Variants in NCAPG2 observed in about 807,000 individuals in gnomAD.
The protein encoded by NCAPG2 is condensin-2 complex subunit G2.
NCAPG2 carries 53 observed loss-of-function variants against 141.1 expected under a neutral mutation model. That is an observed-to-expected ratio of 0.38 (90% CI 0.30 to 0.47). The LOEUF (loss-of-function observed/expected upper bound fraction) is 0.47, where lower values mean the gene tolerates loss of function less well. NCAPG2 is among the 20% of genes least tolerant of loss of function. The pLI is 0.99. For missense variants in NCAPG2, 1,087 were observed against 1,389.0 expected (o/e 0.78, Z 3.46); for synonymous variants, 499 against 490.7 (o/e 1.02, Z -0.22).
At chr7:158,699,744 A>T (rs187800305) in intron 2 of NCAPG2, among the ~76,000 whole-genome samples, 1 of 152,242 alleles carries the variant, frequency 6.6e-6, no homozygotes, top group East Asian at 1.9e-4. Context: ...CCTACTCCCA[A>T]CTATAGAATG....
intron 12 of NCAPG2, among the ~76,000 whole-genome samples, chr7:158,672,891 C>A (rs1012525094): frequency 6.6e-6 from 1 of 152,222 alleles, no homozygotes; most frequent in Non-Finnish European, 1.5e-5. Context: ...CTTCTCTGGT[C>A]TTTCTTCTGT....
At chr7:158,689,608 C>T (rs925427920) in intron 6 of NCAPG2, among the ~76,000 whole-genome samples, 1 of 152,176 alleles carries the variant, frequency 6.6e-6, no homozygotes, top group Non-Finnish European at 1.5e-5. Flanking sequence ...AACACACAGC[C>T]ACCTGTTACC....
At chr7:158,637,372 A>G (rs573251951) in intron 27 of NCAPG2, among the ~76,000 whole-genome samples, 1 of 152,294 alleles carries the variant, frequency 6.6e-6, no homozygotes, top group South Asian at 2.1e-4. Context: ...TTTAGTGCCC[A>G]GTTCAACGTC....
chr7:158,675,330 A>T, intron 12 of NCAPG2, 147 bp downstream of exon 12: 1 of 934,898 alleles, frequency 1.1e-6, no homozygotes, highest in African/African-American at 1.7e-5. Flanking sequence ...TTTGGTTTTT[A>T]AAAACCTTAC....
At chr7:158,658,273 A>G (rs12533939) in intron 17 of NCAPG2, 65 bp downstream of exon 17, 3 of 1,424,880 alleles carry the variant, frequency 2.1e-6, no homozygotes, top group Non-Finnish European at 1.9e-6. Context: ...ACATGAATTA[A>G]TAATTCAGCA....
chr7:158,688,987 T>C (rs1163155519), intron 6 of NCAPG2, among the ~76,000 whole-genome samples: 1 of 152,184 alleles, frequency 6.6e-6, no homozygotes, highest in Non-Finnish European at 1.5e-5. Context: ...ATGTGCCTGC[T>C]GAGCCATGAG....
At chr7:158,666,659 G>T (rs1369094879) in intron 13 of NCAPG2, among the ~76,000 whole-genome samples, 2 of 151,738 alleles carry the variant, frequency 1.3e-5, no homozygotes, top group African/African-American at 2.4e-5. Context: ...GGGCACAGTG[G>T]CTCCCGCCTG....
At chr7:158,671,757 T>C in intron 12 of NCAPG2, 91 bp from the exon 13 acceptor site, 2 of 1,383,222 alleles carry the variant, frequency 1.4e-6, no homozygotes, top group South Asian at 2.6e-5. Context: ...AACATTCGGT[T>C]CCATCTTTAT....
intron 13 of NCAPG2, among the ~76,000 whole-genome samples, chr7:158,666,801 T>C (rs1032966260): frequency 6.6e-6 from 1 of 152,024 alleles, no homozygotes; most frequent in Non-Finnish European, 1.5e-5. Context: ...AGACAATGCA[T>C]TGAAGGGAGA....
intron 2 of NCAPG2, among the ~76,000 whole-genome samples, chr7:158,694,976 G>C (rs1835359726): frequency 6.6e-6 from 1 of 152,102 alleles, no homozygotes. Flanking sequence ...ACAGTATCTT[G>C]ATCTACCTAT....
chr7:158,670,050 C>T (rs1833582301), intron 13 of NCAPG2, among the ~76,000 whole-genome samples: 1 of 152,172 alleles, frequency 6.6e-6, no homozygotes, highest in South Asian at 2.1e-4. Context: ...AAGATCCACA[C>T]AGAATAAACG....
chr7:158,638,667 T>C (rs1481158589), intron 27 of NCAPG2, among the ~76,000 whole-genome samples: 1 of 152,168 alleles, frequency 6.6e-6, no homozygotes, highest in African/African-American at 2.4e-5. Flanking sequence ...GGCCATAAAA[T>C]ATATAATGCA....
At chr7:158,654,508 T>G in intron 22 of NCAPG2, 87 bp downstream of exon 22, 36 of 1,290,224 alleles carry the variant, frequency 2.8e-5, no homozygotes, top group Non-Finnish European at 3.5e-5. Context: ...CACTTAAAAG[T>G]GAGAGTTCTG....
intron 13 of NCAPG2, among the ~76,000 whole-genome samples, chr7:158,666,760 C>CA (rs573630289): frequency 1.0e-4 from 15 of 149,544 alleles, no homozygotes; most frequent in Admixed American, 2.7e-4. Flanking sequence ...AACCCTGTCT[C>CA]AAAAAAAAAT....
At position 158,650,988 on chromosome 7, in the gene NCAPG2, T is replaced by TA. The variant is rs1563508870; in HGVS notation, c.2935-17dup. On this transcript the variant is annotated splice_polypyrimidine_tract_variant and intron_variant, in intron 23 of 27. Coordinates refer to ENST00000356309, the MANE Select transcript of NCAPG2 (RefSeq NM_017760.7). ...AATAAAGCAGCTACAAGAAAACACATACGTCACTTTTAATGACTAAAAACC... is the reference window on the plus strand; with the variant it reads ...AATAAAGCAGCTACAAGAAAACACATAACGTCACTTTTAATGACTAAAAACC... 1 of 1,554,162 alleles carries TA rather than the reference T, an allele frequency of 6.4e-7. No homozygotes were observed. Among genetic ancestry groups the TA allele is most frequent in the Non-Finnish European group, 8.6e-7 (1 of 1,157,038 alleles).
At chr7:158,683,875 G>A (rs367610513) in intron 8 of NCAPG2, among the ~76,000 whole-genome samples, 1 of 152,220 alleles carries the variant, frequency 6.6e-6, no homozygotes, top group Non-Finnish European at 1.5e-5. Context: ...CAAGGAAGGT[G>A]TGTGGGAAGC....
chr7:158,683,422 G>T, intron 8 of NCAPG2, 36 bp from the exon 9 acceptor site: 1 of 1,504,482 alleles, frequency 6.6e-7, no homozygotes, highest in Non-Finnish European at 9.1e-7. Flanking sequence ...CACTTGGTGT[G>T]TGTGTGTCCT....
intron 24 of NCAPG2, among the ~76,000 whole-genome samples, chr7:158,647,221 G>A (rs776568285): frequency 1.1e-4 from 17 of 152,148 alleles, no homozygotes; most frequent in Non-Finnish European, 2.2e-4. Flanking sequence ...CTCAATCTCA[G>A]CACTACTGAC....
At chr7:158,656,523 A>G in intron 18 of NCAPG2, 29 bp downstream of exon 18, 1 of 1,612,588 alleles carries the variant, frequency 6.2e-7, no homozygotes, top group South Asian at 1.1e-5. Context: ...TCACTCACCT[A>G]ATTTTAAGGA....
Sources: gnomAD v4.1 joint callset for allele counts (sites outside exome capture counted in the v4.1 genomes callset) on GRCh38, gnomAD v4.1.1 for gene constraint, MANE v1.5 for transcripts, NCBI Gene and HGNC (gene_info 2026-07-23, HGNC 2026-07-21) for gene names.